The following SLC27A2 variants were observed in gnomAD, a reference collection of about 807,000 sequenced individuals.
The protein encoded by SLC27A2 is solute carrier family 27 member 2, also known as long-chain fatty acid transport protein 2.
In SLC27A2, 54 loss-of-function variants were observed where a neutral mutation model predicts 60.0. That is an observed-to-expected ratio of 0.90 (90% confidence interval 0.72 to 1.13). The LOEUF is 1.13. Ranked by LOEUF, SLC27A2 falls within the 50% of genes most tolerant of loss-of-function variation. SLC27A2 has a pLI of 0.00. For synonymous variants in SLC27A2, 297 were observed against 297.6 expected (o/e 1.00, Z 0.02); for missense variants, 739 against 777.6 (o/e 0.95, Z 0.59).
In SLC27A2 at chr15:50,202,629, C is replaced by T. The variant is rs79765607; in HGVS notation, c.831C>T (p.His277=). The T allele has an allele frequency of 1.5e-5, 24 of 1,613,620 alleles. 1 individual carries two copies. The South Asian group carries it at 1.9e-4, about 13-fold the overall frequency. Residue 277 remains histidine, a synonymous_variant, in exon 3 of 10, where the codon CAC becomes CAT. Transcript: ENST00000267842. ...GTGCTGCACTACTGATTGGCATTCA[C>T]GGATGTATTGTGGCTGGTAAGCTTT... ...YHSAALLIGI[H]GCIVAGATLA... is the part of the protein sequence containing the mutation.
intron 4 of SLC27A2, among the ~76,000 whole-genome samples, chr15:50,217,091 TGGG>T (rs751365903): frequency 6.6e-4 from 97 of 147,738 alleles, no homozygotes; most frequent in Non-Finnish European, 1.3e-3. Context: ...TTTGGGGACT[TGGG>T]GGGAAGAGTG....
chr15:50,184,126 G>A (rs1235414683), intron 1 of SLC27A2, among the ~76,000 whole-genome samples: 2 of 150,178 alleles, frequency 1.3e-5, no homozygotes, highest in Non-Finnish European at 3.0e-5. Flanking sequence ...AAGTAGCTGG[G>A]ACCACAGGCA....
chr15:50,205,222 C>G lies in SLC27A2; in HGVS notation c.848-17C>G. On this transcript the variant is annotated splice_polypyrimidine_tract_variant and intron_variant, in intron 3 of 9. Coordinates refer to ENST00000267842, the MANE Select transcript of SLC27A2 (RefSeq NM_003645.4). ...TCCACCATTTCTTTCTTGACACTTT[C>G]TGTGCTTTCTCTGTAGGTGCTACTC... 6.3e-7 allele frequency: 1 copy of G among 1,589,520 alleles called. No individual in the cohort carries two copies. Among genetic ancestry groups the G allele is most frequent in the Non-Finnish European group, 8.6e-7 (1 of 1,163,960 alleles).
At chr15:50,189,075 G>C in intron 1 of SLC27A2, among the ~76,000 whole-genome samples, 1 of 152,142 alleles carries the variant, frequency 6.6e-6, no homozygotes, top group East Asian at 1.9e-4. Flanking sequence ...GATAGATAAT[G>C]TCTGTTGAAT....
rs963717747 is a variant in SLC27A2 at position 50,213,272 on chromosome 15, T to C, written c.972+7909T>C. On this transcript the variant is annotated intron_variant, in intron 4 of 9. Coordinates refer to ENST00000267842, the MANE Select transcript of SLC27A2 (RefSeq NM_003645.4). ...AAAATATCACAATCCTAAATATATA[T>C]GCACCTAACACTGGAGCTCCCAAAT... Among the ~76,000 whole-genome samples the C allele has an allele frequency of 4.6e-5, 7 of 152,248 alleles. No homozygotes were observed. The South Asian group carries it at 1.0e-3, about 23-fold the overall frequency.
intron 1 of SLC27A2, among the ~76,000 whole-genome samples, chr15:50,183,801 C>A (rs887289825): frequency 3.3e-5 from 5 of 151,974 alleles, no homozygotes; most frequent in Non-Finnish European, 5.9e-5. Flanking sequence ...GGGTAGGGGT[C>A]GAGGGAGCCG....
intron 3 of SLC27A2, among the ~76,000 whole-genome samples, chr15:50,204,740 G>GA (rs896183070): frequency 5.0e-5 from 7 of 141,214 alleles, no homozygotes; most frequent in Non-Finnish European, 7.8e-5. Context: ...CTCAAAAAAA[G>GA]AAAAAAAAAT....
intron 4 of SLC27A2, among the ~76,000 whole-genome samples, chr15:50,214,900 G>A (rs1239648446): frequency 6.6e-6 from 1 of 152,064 alleles, no homozygotes; most frequent in African/African-American, 2.4e-5. Flanking sequence ...CCTGAGAACT[G>A]GAACAAGACA....
chr15:50,233,480 C>T (rs1243014253), intron 8 of SLC27A2, among the ~76,000 whole-genome samples: 2 of 152,190 alleles, frequency 1.3e-5, no homozygotes, highest in African/African-American at 4.8e-5. Flanking sequence ...TGGAGCCAGG[C>T]TGCCTGAATT....
intron 7 of SLC27A2, among the ~76,000 whole-genome samples, chr15:50,227,701 A>C (rs1351995977): frequency 6.6e-6 from 1 of 152,192 alleles, no homozygotes; most frequent in East Asian, 1.9e-4. Context: ...ACTTCCAACC[A>C]TAGCACAGTC....
intron 8 of SLC27A2, among the ~76,000 whole-genome samples, chr15:50,229,946 A>C (rs943823208): frequency 6.6e-6 from 1 of 152,156 alleles, no homozygotes; most frequent in African/African-American, 2.4e-5. Context: ...TTTTTAAAGA[A>C]TATTCAAGGC....
chr15:50,200,907 G>A (rs557415077), intron 2 of SLC27A2, among the ~76,000 whole-genome samples: 27 of 152,328 alleles, frequency 1.8e-4, no homozygotes, highest in African/African-American at 6.5e-4. Context: ...GAGGAAACAG[G>A]CACACTCATG....
At chr15:50,203,278 C>G (rs1358842973) in intron 3 of SLC27A2, among the ~76,000 whole-genome samples, 15 of 152,122 alleles carry the variant, frequency 9.9e-5, no homozygotes, top group Non-Finnish European at 8.8e-5. Context: ...TAATCTCCAT[C>G]AGCTTTAAAC....
chr15:50,218,060 C>CAA (rs34661754), intron 4 of SLC27A2, among the ~76,000 whole-genome samples: 1,916 of 63,892 alleles, frequency 0.03, 216 homozygotes, highest in African/African-American at 0.081. Context: ...GACTCTGTCT[C>CAA]AAAAAAAAAA....
chr15:50,198,413 T>G (rs1395360887), intron 2 of SLC27A2: 1 of 151,986 alleles, frequency 6.6e-6, no homozygotes, highest in East Asian at 1.9e-4. Flanking sequence ...ACTCTTGACA[T>G]CGGTACTCTT....
chr15:50,195,947 G>A (rs1185951812), intron 1 of SLC27A2, among the ~76,000 whole-genome samples: 14 of 147,666 alleles, frequency 9.5e-5, no homozygotes, highest in Non-Finnish European at 1.2e-4. Flanking sequence ...CCCAGCTACC[G>A]GGAGGCTGAG....
chr15:50,207,776 C>A (rs1350927824), intron 4 of SLC27A2, among the ~76,000 whole-genome samples: 10 of 119,926 alleles, frequency 8.3e-5, no homozygotes, highest in Admixed American at 2.8e-4. Context: ...GGCGACAGAA[C>A]AAGACCCTGT....
In SLC27A2 at chr15:50,221,670, C is replaced by T. The variant is rs2045243224; in HGVS notation, c.973-1295C>T. ...ATATAGAAAAAGCTCTAACCAATTG[C>T]TGTTTTATCAAAGAAATTAACAGTT... On this transcript the variant is annotated intron_variant, in intron 4 of 9. Transcript: ENST00000267842. Among the ~76,000 whole-genome samples, 3 of 152,182 alleles carry T rather than the reference C, an allele frequency of 2.0e-5. No homozygotes were observed. The South Asian group carries it at 6.2e-4, about 32-fold the overall frequency.
In SLC27A2 at chr15:50,202,786, C is replaced by T. The variant is rs138099345; in HGVS notation, c.847+141C>T. On this transcript the variant is annotated intron_variant, in intron 3 of 9. Coordinates refer to ENST00000267842, the MANE Select transcript of SLC27A2 (RefSeq NM_003645.4). The stretch of plus-strand genomic sequence containing the variant: ...ATTAACAATAAGGCAATTTGAATCA[C>T]ATATTACAAGCAAGCATCTAAAATA... 2.1e-3 allele frequency: 1,576 copies of T among 754,614 alleles called. 22 individuals carry two copies. The African/African-American group carries it at 0.025, about 12-fold the overall frequency. The allele number at this position is 754,614 out of a possible 1,614,324, so 46.7% of individuals were successfully genotyped here. A position where few individuals can be genotyped will look rare whatever the true frequency, so the allele number is the denominator to read the frequency against.
Sources: allele counts gnomAD v4.1 joint callset (sites outside exome capture counted in the v4.1 genomes callset), GRCh38; gene constraint gnomAD v4.1.1; transcripts MANE v1.5; gene names NCBI Gene and HGNC (gene_info 2026-07-23, HGNC 2026-07-21).